Variants in ZFAT observed in about 807,000 individuals in gnomAD.
ZFAT encodes the protein zinc finger protein ZFAT.
A neutral mutation model predicts 117.7 loss-of-function variants in ZFAT; 64 were observed. The observed-to-expected ratio is 0.54, with a 90% CI of 0.44 to 0.67. ZFAT has a LOEUF of 0.67. Among genes scored for constraint, ZFAT ranks in the 30% least tolerant of loss-of-function variants. ZFAT has a pLI of 0.00. For synonymous variants in ZFAT, 679 were observed against 615.0 expected, an observed-to-expected ratio of 1.10 and a Z score of -1.54; for missense variants, 1,433 against 1,584.5, an observed-to-expected ratio of 0.90 and a Z score of 1.62.
At chr8:134,802,759 C>T in the ZFAT span, among the ~76,000 whole-genome samples, 3 of 152,098 alleles carry the variant, frequency 2.0e-5, no homozygotes, top group Admixed American at 1.3e-4. Context: ...TTTCTAAGTC[C>T]TATCAATGAA....
chr8:134,594,708 T>C (rs1586775294), intron 7 of ZFAT: 1 of 152,172 alleles, frequency 6.6e-6, no homozygotes, highest in South Asian at 2.1e-4. Flanking sequence ...TAAATTCCCA[T>C]GGAGGTGGGT....
chr8:134,491,734 C>T (rs370921084), intron 15 of ZFAT, among the ~76,000 whole-genome samples: 69 of 152,190 alleles, frequency 4.5e-4, no homozygotes, highest in African/African-American at 1.5e-3. Context: ...TTTAAGGACA[C>T]GTGTGATCAC....
rs78880232 is a variant in ZFAT, at chr8:134,600,623, G to A, written c.2288C>T (p.Thr763Ile). Residue 763 changes from threonine to isoleucine, a missense_variant, in exon 7 of 16, where the codon ACC becomes ATC. By Grantham distance (89) the Thr-to-Ile change is moderately conservative (BLOSUM62 -1). Coordinates refer to ENST00000377838, the MANE Select transcript of ZFAT (RefSeq NM_020863.4). ...YQVHFDMHVR[T>I]HTREHLYYCS... ...ATAATACAGATGTTCCCGGGTGTGG[G>A]TGCGGACATGCATATCAAAATGCAC... The A allele has an allele frequency of 1.9e-6, 3 of 1,611,708 alleles. No homozygotes were observed. The highest frequency in any genetic ancestry group is 2.5e-6 in the Non-Finnish European group (3 of 1,178,434).
chr8:134,656,477 T>C (rs990443402), intron 2 of ZFAT, among the ~76,000 whole-genome samples: 2 of 152,202 alleles, frequency 1.3e-5, no homozygotes, highest in Non-Finnish European at 2.9e-5. Context: ...TTTCACTTTA[T>C]GCCACTAACA....
intron 2 of ZFAT, among the ~76,000 whole-genome samples, chr8:134,653,270 TA>T (rs374514584): frequency 2.0e-3 from 185 of 91,864 alleles, no homozygotes; most frequent in Non-Finnish European, 2.8e-3. Context: ...ATGTCTTTTT[TA>T]AAAAAAAAAA....
chr8:134,630,167 G>A (rs1829788746), intron 3 of ZFAT, among the ~76,000 whole-genome samples: 1 of 152,228 alleles, frequency 6.6e-6, no homozygotes, highest in East Asian at 1.9e-4. Context: ...GCAGTGGCAT[G>A]AACTGGGCCA....
chr8:134,769,442 G>A, the ZFAT span, among the ~76,000 whole-genome samples: 2 of 152,214 alleles, frequency 1.3e-5, no homozygotes, highest in Non-Finnish European at 2.9e-5. Flanking sequence ...TGTTTCACAT[G>A]CAGGTCTCAC....
chr8:134,661,719 A>G (rs1257004738), intron 1 of ZFAT, among the ~76,000 whole-genome samples: 1 of 152,218 alleles, frequency 6.6e-6, no homozygotes, highest in Non-Finnish European at 1.5e-5. Context: ...CCAAGCAGGC[A>G]TGACACCATC....
chr8:134,683,555 G>C (rs1179338709), intron 1 of ZFAT, among the ~76,000 whole-genome samples: 11 of 152,202 alleles, frequency 7.2e-5, no homozygotes, highest in African/African-American at 2.7e-4. Flanking sequence ...GGAAGGAAAG[G>C]AGAAGGGAGT....
chr8:134,543,072 T>C (rs918553496), intron 11 of ZFAT, among the ~76,000 whole-genome samples: 4 of 150,642 alleles, frequency 2.7e-5, no homozygotes, highest in Non-Finnish European at 5.9e-5. Context: ...AATCCCCAGA[T>C]GACCTGCCCA....
the ZFAT span, among the ~76,000 whole-genome samples, chr8:134,827,219 C>T: frequency 0.41 from 61,506 of 151,842 alleles, 13,552 homozygotes; most frequent in African/African-American, 0.56. Context: ...ATCCAGCTAA[C>T]TGTTTTGTTA....
chr8:134,547,961 G>A lies in ZFAT; in HGVS notation c.2977-14989C>T, dbSNP rs144296534. Among the ~76,000 whole-genome samples the A allele has an allele frequency of 4.6e-3, 694 of 152,280 alleles. 6 individuals are homozygous for A. Among genetic ancestry groups the A allele is most frequent in the Admixed American group, 9.6e-3 (147 of 15,298 alleles). On this transcript the variant is annotated intron_variant, in intron 11 of 15. Transcript: ENST00000377838. ...AGGCCTCTGGCAACTGTGAGAGGAG[G>A]GAAGAACTGAGAGCTCAAAGCCACA...
chr8:134,526,433 A>G (rs1224525786), intron 12 of ZFAT, among the ~76,000 whole-genome samples: 1 of 152,372 alleles, frequency 6.6e-6, no homozygotes, highest in Non-Finnish European at 1.5e-5. Context: ...TCAACGGAAG[A>G]CTTGGTGAAT....
rs184831977 is a variant in ZFAT, at chr8:134,493,618, G to A, written c.3493-14897C>T. Among the ~76,000 whole-genome samples the A allele has an allele frequency of 1.5e-4, 23 of 152,372 alleles. No individual in the cohort carries two copies. The East Asian group carries it at 4.2e-3, about 28-fold the overall frequency. On this transcript the variant is annotated intron_variant, in intron 15 of 15. Coordinates refer to ENST00000377838, the MANE Select transcript of ZFAT (RefSeq NM_020863.4). The stretch of plus-strand genomic sequence containing the variant: ...GAGAGCTCCACATGGTAGAGAGAGT[G>A]CATGGGAATGAAGAGACGGCGGGGC...
intron 2 of ZFAT, among the ~76,000 whole-genome samples, chr8:134,656,756 C>G (rs1831630631): frequency 1.3e-5 from 2 of 152,216 alleles, no homozygotes; most frequent in South Asian, 4.1e-4. Context: ...GGCTTCTGCA[C>G]AGGTGCCCAG....
At chr8:134,587,234 A>T (rs1254677651) in intron 9 of ZFAT, among the ~76,000 whole-genome samples, 1 of 152,184 alleles carries the variant, frequency 6.6e-6, no homozygotes, top group African/African-American at 2.4e-5. Context: ...ACTGCCTTCT[A>T]CAAAGGATTC....
At chr8:134,652,638 A>G (rs1312393689) in intron 2 of ZFAT, among the ~76,000 whole-genome samples, 1 of 152,240 alleles carries the variant, frequency 6.6e-6, no homozygotes, top group Non-Finnish European at 1.5e-5. Context: ...ATGAACAGTA[A>G]TTCACAGATG....
intron 1 of ZFAT, among the ~76,000 whole-genome samples, chr8:134,679,067 C>G (rs1010741593): frequency 2.0e-5 from 3 of 152,184 alleles, no homozygotes; most frequent in Non-Finnish European, 4.4e-5. Flanking sequence ...GCAATGGCAA[C>G]AAAAGCTGAA....
At chr8:134,594,389 G>A (rs1245475466) in intron 7 of ZFAT, among the ~76,000 whole-genome samples, 4 of 152,142 alleles carry the variant, frequency 2.6e-5, no homozygotes, top group East Asian at 3.8e-4. Context: ...AAGTAGCTTC[G>A]TCTACCTTCT....
Sources: gnomAD v4.1 joint callset for allele counts (sites outside exome capture counted in the v4.1 genomes callset) on GRCh38, gnomAD v4.1.1 for gene constraint, MANE v1.5 for transcripts, NCBI Gene and HGNC (gene_info 2026-07-23, HGNC 2026-07-21) for gene names.